Variants in PEX6 observed in about 807,000 individuals in gnomAD.
PEX6 encodes the protein peroxisomal biogenesis factor 6.
PEX6 carries 55 observed loss-of-function variants against 85.6 expected under a neutral mutation model. The ratio of observed to expected loss-of-function variants is 0.64; its 90% CI spans 0.52 to 0.80. The LOEUF is 0.80. Among genes scored for constraint, PEX6 ranks in the 30% least tolerant of loss-of-function variants. The pLI is 0.00. For missense variants in PEX6, 1,099 were observed against 1,260.3 expected, an observed-to-expected ratio of 0.87 and a Z score of 1.94; for synonymous variants, 519 against 549.1, an observed-to-expected ratio of 0.95 and a Z score of 0.77.
In PEX6 at chr6:42,968,279, T is replaced by A. The variant is rs1195738655; in HGVS notation, c.1688+11A>T. On this transcript the variant is annotated intron_variant, in intron 7 of 16. Transcript: ENST00000304611. ...CCCCCAGCTTTGAGAGGCCCAGCTC[T>A]GTATAAGTACCTGTTGAGGGGGTCC... 6.2e-7 allele frequency: 1 copy of A among 1,612,672 alleles called. No homozygotes were observed.
At position 42,978,988 on chromosome 6, in the gene PEX6, C is replaced by G; in HGVS notation, c.163G>C (p.Ala55Pro). The change falls in exon 1 of 17, where the codon GCA (alanine) becomes CCA (proline). Residue 55 changes from alanine to proline, a missense_variant. This residue lies in a region of PEX6 where 579 missense variants were observed against 611.6 expected (regional missense o/e 0.95). Coordinates refer to ENST00000304611, the MANE Select transcript of PEX6 (RefSeq NM_000287.4). ...CCCGCGTCCGGCCCCTCCAGGGCTG[C>G]CACCAGCAGCGCCGGCCCTGCCGGG... Reference protein sequence around the residue: ...ESPAGPALLVAALEGPDAGTE... With the variant: ...ESPAGPALLVPALEGPDAGTE... 1.3e-6 allele frequency: 2 copies of G among 1,511,212 alleles called. No individual in the cohort carries two copies. The highest frequency in any genetic ancestry group is 1.8e-6 in the Non-Finnish European group (2 of 1,137,242). The allele number at this position is 1,511,212 out of a possible 1,614,324, so 93.6% of individuals were successfully genotyped here.
Position 42,965,624 on chromosome 6 carries a change from T to G in PEX6, c.2471+57A>C. On this transcript the variant is annotated intron_variant, in intron 13 of 16. Coordinates refer to ENST00000304611, the MANE Select transcript of PEX6 (RefSeq NM_000287.4). This position sits in a 1 kb window ranked among gnomAD's most constrained non-coding sequence, Gnocchi z 5.0. The stretch of plus-strand genomic sequence containing the variant: ...TGGACTCTGAAGACTGCTGTGAGCT[T>G]TCTCATATCCTTCCCACCCTGGACC... 8.2e-7 allele frequency: 1 copy of G among 1,224,532 alleles called. No individual in the cohort carries two copies. The highest frequency in any genetic ancestry group is 1.2e-6 in the Non-Finnish European group (1 of 824,322). 75.9% of individuals were successfully genotyped at this position (1,224,532 alleles called of 1,614,324 possible). A position where few individuals can be genotyped will look rare whatever the true frequency, so the allele number is the denominator to read the frequency against.
chr6:42,968,944 C>T lies in PEX6; in HGVS notation c.1409G>A (p.Gly470Asp). The T allele has an allele frequency of 6.2e-7, 1 of 1,613,964 alleles. No homozygotes were observed. Among genetic ancestry groups the T allele is most frequent in the East Asian group, 2.2e-5 (1 of 44,870 alleles). The stretch of plus-strand genomic sequence containing the variant: ...TGTGGTCTTCCCACAGCCTGGGGGG[C>T]CCCGTAGAAGGACACTGCTAGTTCC... ...LTGTSSVLLR[G>D]PPGCGKTTVV... The change falls in exon 6 of 17, where the codon GGC (glycine) becomes GAC (aspartate). Residue 470 changes from glycine (G) to aspartate (D), a missense_variant. Transcript: ENST00000304611.
chr6:42,972,897 G>A (rs2150234100), intron 3 of PEX6, among the ~76,000 whole-genome samples: 1 of 152,228 alleles, frequency 6.6e-6, no homozygotes, highest in Non-Finnish European at 1.5e-5. Context: ...AGATATGGAT[G>A]GTATGGCCCA....
Position 42,974,986 on chromosome 6 carries a change from A to G in PEX6, c.935T>C (p.Leu312Pro). The G allele has an allele frequency of 6.2e-7, 1 of 1,613,818 alleles. No homozygotes were observed. Among genetic ancestry groups the G allele is most frequent in the Non-Finnish European group, 8.5e-7 (1 of 1,179,870 alleles). Residue 312 changes from leucine to proline, a missense_variant, in exon 2 of 17, where the codon CTG becomes CCG. By Grantham distance (98) the Leu-to-Pro change is moderately conservative. Transcript: ENST00000304611. ...APEDKGSCSL[L>P]PGPPFARELH... ...CTCTCTGGCAAATGGAGGCCCAGGC[A>G]GCAATGAGCAGCTTCCTTTGTCTTC...
chr6:42,974,978 G>C lies in PEX6; in HGVS notation c.943C>G (p.Pro315Ala). The part of the protein sequence containing the change: ...DKGSCSLLPG[P>A]PFARELHIEI... ...ATGTGTAACTCTCTGGCAAATGGAG[G>C]CCCAGGCAGCAATGAGCAGCTTCCT... Residue 315 changes from proline to alanine, a missense_variant, in exon 2 of 17, where the codon CCT becomes GCT. By Grantham distance (27) the Pro-to-Ala change is conservative (BLOSUM62 -1). Transcript: ENST00000304611. The C allele has an allele frequency of 6.2e-7, 1 of 1,613,718 alleles. No individual in the cohort carries two copies. Among genetic ancestry groups the C allele is most frequent in the South Asian group, 1.1e-5 (1 of 91,060 alleles).
At chr6:42,966,185 C>A in intron 11 of PEX6, 57 bp downstream of exon 11, 1 of 1,607,886 alleles carries the variant, frequency 6.2e-7, no homozygotes, top group Admixed American at 1.7e-5. Context: ...CCCTCCTGCT[C>A]CCCAGCCTGC....
chr6:42,963,936 A>G lies in PEX6; in HGVS notation c.*399T>C, dbSNP rs1042053533. ...AGGCTCCCATGCTGCCCACCCCCCCACCCTCTCCCAGGGCTTACTCCTCCC... is the reference window on the plus strand; with the variant it reads ...AGGCTCCCATGCTGCCCACCCCCCCGCCCTCTCCCAGGGCTTACTCCTCCC... On this transcript the variant is annotated 3_prime_UTR_variant, in exon 17 of 17. Coordinates refer to ENST00000304611, the MANE Select transcript of PEX6 (RefSeq NM_000287.4). The G allele has an allele frequency of 3.1e-6, 1 of 319,966 alleles. No homozygotes were observed. The highest frequency in any genetic ancestry group is 7.4e-5 in the East Asian group (1 of 13,438). The allele number at this position is 319,966 out of a possible 1,614,324, so 19.8% of individuals were successfully genotyped here.
At chr6:42,972,554 A>G (rs1432683643) in intron 3 of PEX6, among the ~76,000 whole-genome samples, 1 of 152,132 alleles carries the variant, frequency 6.6e-6, no homozygotes, top group Non-Finnish European at 1.5e-5. Flanking sequence ...GCGGATCACA[A>G]GGTCAGGAGA....
In PEX6 at chr6:42,978,962, GC is replaced by G; in HGVS notation, c.188del (p.Gly63AlafsTer41). Reference protein sequence around the residue: ...LVAALEGPDAGTEEQGPGPPQ... With the variant: ...LVAALEGPDAXTEEQGPGPPQ... ...GCGGCCCGGGACCCTGCTCTTCGGT[GC>G]CCGCGTCCGGCCCCTCCAGGGCTGC... On this transcript the variant is annotated frameshift_variant, in exon 1 of 17. Coordinates refer to ENST00000304611, the MANE Select transcript of PEX6 (RefSeq NM_000287.4). LOFTEE classifies it high-confidence loss of function. The G allele has an allele frequency of 6.7e-7, 1 of 1,497,630 alleles. No homozygotes were observed. Among genetic ancestry groups the G allele is most frequent in the Non-Finnish European group, 8.8e-7 (1 of 1,131,998 alleles). 92.8% of individuals were successfully genotyped at this position (1,497,630 alleles called of 1,614,324 possible). A position where few individuals can be genotyped will look rare whatever the true frequency, so the allele number is the denominator to read the frequency against.
At position 42,977,311 on chromosome 6, in the gene PEX6, G is replaced by C. The variant is rs564112553; in HGVS notation, c.882+958C>G. On this transcript the variant is annotated intron_variant, in intron 1 of 16. Transcript: ENST00000304611. ...TCTGTCGTCCAGGCTGGAGTGCAGT[G>C]GTGTGATCTGGGCTCACTGCAACCT... is the stretch of plus-strand genomic sequence containing the variant. Among the ~76,000 whole-genome samples, 69 of 146,844 alleles carry C rather than the reference G, an allele frequency of 4.7e-4. No homozygotes were observed. In the South Asian group the frequency reaches 0.014, roughly 31 times the overall value.
chr6:42,976,155 G>A (rs780800072), intron 1 of PEX6, among the ~76,000 whole-genome samples: 1 of 151,932 alleles, frequency 6.6e-6, no homozygotes, highest in Non-Finnish European at 1.5e-5. Context: ...GCCTCCCAAA[G>A]TGCTGGGATT....
chr6:42,974,007 G>T lies in PEX6; in HGVS notation c.1126C>A (p.Pro376Thr). 6.2e-7 allele frequency: 1 copy of T among 1,612,346 alleles called. No individual in the cohort carries two copies. Among genetic ancestry groups the T allele is most frequent in the East Asian group, 2.2e-5 (1 of 44,884 alleles). ...GGACAGAAGGCAGCTGCATACCTGG[G>T]CAGTTTCTCTGGACTTCCTTCCAGG... The part of the protein sequence containing the change: ...EILEGSPEKL[P>T]RWREMFFKVK... Residue 376 changes from proline (P) to threonine (T), a missense_variant, in exon 3 of 17, where the codon CCC becomes ACC. Physicochemically the swap from Pro to Thr is conservative, Grantham distance 38. Coordinates refer to ENST00000304611, the MANE Select transcript of PEX6 (RefSeq NM_000287.4).
Position 42,964,926 on chromosome 6 carries a change from G to C in PEX6, c.2670C>G (p.Phe890Leu). ...LRVLSAITRK[F>L]KLEPSVSLVN... is the part of the protein sequence containing the mutation. Reference sequence around the variant, plus strand: ...CCAGGCTCACAGATGGCTCTAGCTTGAATCTGTTGTGGGATACAGGAAGAA... The same window carrying C: ...CCAGGCTCACAGATGGCTCTAGCTTCAATCTGTTGTGGGATACAGGAAGAA... Residue 890 changes from phenylalanine to leucine, a missense_variant, in exon 16 of 17, where the codon TTC (phenylalanine) becomes TTG (leucine). Physicochemically the swap from Phe to Leu is conservative, Grantham distance 22 (BLOSUM62 0). Coordinates refer to ENST00000304611, the MANE Select transcript of PEX6 (RefSeq NM_000287.4). This position sits in a 1 kb window ranked among gnomAD's most constrained non-coding sequence, Gnocchi z 4.6. The C allele has an allele frequency of 6.2e-7, 1 of 1,614,168 alleles. No individual in the cohort carries two copies. Among genetic ancestry groups the C allele is most frequent in the Non-Finnish European group, 8.5e-7 (1 of 1,180,034 alleles).
Position 42,964,310 on chromosome 6 carries a change from C to T in PEX6, c.*25G>A, listed in dbSNP as rs368299692. The T allele has an allele frequency of 3.6e-5, 58 of 1,612,662 alleles. No homozygotes were observed. The highest frequency in any genetic ancestry group is 2.7e-4 in the African/African-American group (20 of 74,916). On this transcript the variant is annotated 3_prime_UTR_variant, in exon 17 of 17. Coordinates refer to ENST00000304611, the MANE Select transcript of PEX6 (RefSeq NM_000287.4). This position sits in a 1 kb window ranked among gnomAD's most constrained non-coding sequence, Gnocchi z 4.6. ...TCAAGGTACCTGCAGCCATGCTGAGCGGGGTCCCAGACCCTGGGGGGCTCC... is the reference window on the plus strand; with the variant it reads ...TCAAGGTACCTGCAGCCATGCTGAGTGGGGTCCCAGACCCTGGGGGGCTCC...
In PEX6 at chr6:42,965,819, C is replaced by T. The variant is rs756621580; in HGVS notation, c.2363-30G>A. Reference sequence around the variant, plus strand: ...AGAGAGAGAGGGGCCCACAGGAGGGCAAAGCTCGGCTTGTGGGGGGTTGAA... The same window carrying T: ...AGAGAGAGAGGGGCCCACAGGAGGGTAAAGCTCGGCTTGTGGGGGGTTGAA... On this transcript the variant is annotated intron_variant, in intron 12 of 16. Transcript: ENST00000304611. This position sits in a 1 kb window ranked among gnomAD's most constrained non-coding sequence, Gnocchi z 5.0. 6.3e-7 allele frequency: 1 copy of T among 1,584,988 alleles called. No homozygotes were observed. Among genetic ancestry groups the T allele is most frequent in the Non-Finnish European group, 8.7e-7 (1 of 1,153,880 alleles).
At chr6:42,974,443 T>G (rs907873652) in intron 2 of PEX6, among the ~76,000 whole-genome samples, 1 of 88,750 alleles carries the variant, frequency 1.1e-5, no homozygotes, top group Non-Finnish European at 2.0e-5. Flanking sequence ...GTCTGAAATG[T>G]TTTTTTTGTT....
In PEX6 at chr6:42,971,918, A is replaced by G. The variant is rs1770065202; in HGVS notation, c.1131-1931T>C. 6.6e-6 allele frequency among the ~76,000 whole-genome samples: 1 copy of G among 152,224 alleles called. No homozygotes were observed. Among genetic ancestry groups the G allele is most frequent in the African/African-American group, 2.4e-5 (1 of 41,458 alleles). On this transcript the variant is annotated intron_variant, in intron 3 of 16. Coordinates refer to ENST00000304611, the MANE Select transcript of PEX6 (RefSeq NM_000287.4). The surrounding 1 kb of genome is among the most constrained non-coding windows in gnomAD (Gnocchi z 4.4). ...CAAAGACGTTTGCTAAATTTATGAT[A>G]GGAGAGAGAGGTGGGAAGTGACTGC...
At chr6:42,974,109 G>T (rs777059529) in intron 2 of PEX6, 23 bp from the exon 3 acceptor site, 3 of 1,588,888 alleles carry the variant, frequency 1.9e-6, no homozygotes, top group African/African-American at 1.3e-5. Context: ...AGTGGCCCTG[G>T]TCAGGTCACA....
Sources: allele counts gnomAD v4.1 joint callset (sites outside exome capture counted in the v4.1 genomes callset), GRCh38; gene constraint gnomAD v4.1.1; regional missense constraint gnomAD v4.1.1; non-coding constraint Gnocchi (gnomAD v3.1); transcripts MANE v1.5; gene names NCBI Gene and HGNC (gene_info 2026-07-23, HGNC 2026-07-21).